Variants in TMEM132D observed in about 807,000 individuals in gnomAD.
The protein encoded by TMEM132D is transmembrane protein 132D.
A neutral mutation model predicts 62.3 loss-of-function variants in TMEM132D; 21 were observed. The ratio of observed to expected loss-of-function variants is 0.34; its 90% CI spans 0.24 to 0.49. The LOEUF is 0.49. Ranked by LOEUF, TMEM132D falls within the 20% of genes least tolerant of loss-of-function variation. The probability of loss-of-function intolerance (pLI) is 0.99; values close to 1 mark genes in which losing one functional copy is unlikely to be tolerated. For synonymous variants in TMEM132D, 621 were observed against 575.6 expected, an observed-to-expected ratio of 1.08 and a Z score of -1.13; for missense variants, 1,346 against 1,402.8, an observed-to-expected ratio of 0.96 and a Z score of 0.65.
chr12:129,093,027 A>G (rs780816621), intron 5 of TMEM132D, among the ~76,000 whole-genome samples: 2 of 152,236 alleles, frequency 1.3e-5, no homozygotes, highest in Non-Finnish European at 2.9e-5. Context: ...AGAGATAAGC[A>G]AGTTTTAAAT....
intron 4 of TMEM132D, among the ~76,000 whole-genome samples, chr12:129,321,707 C>A (rs879274111): frequency 6.6e-6 from 1 of 152,042 alleles, no homozygotes; most frequent in East Asian, 1.9e-4. Flanking sequence ...TACAGGCGCC[C>A]GCCACCACGC....
intron 5 of TMEM132D, among the ~76,000 whole-genome samples, chr12:129,183,002 C>G (rs1202144616): frequency 1.3e-5 from 2 of 152,180 alleles, no homozygotes; most frequent in Non-Finnish European, 2.9e-5. Context: ...CTCTCTCTCT[C>G]TCTTTGGGGC....
Position 129,477,883 on chromosome 12 carries a change from C to G in TMEM132D, c.1115+53176G>C, listed in dbSNP as rs559624089. On this transcript the variant is annotated intron_variant, in intron 3 of 8. Coordinates refer to ENST00000422113, the MANE Select transcript of TMEM132D (RefSeq NM_133448.3). ...ACATATACAGAGAGAGAGAGAGAGA[C>G]AGAGAGAGAGAGTCATGTGTTGTTT... is the stretch of plus-strand genomic sequence containing the variant. Among the ~76,000 whole-genome samples the G allele has an allele frequency of 1.5e-3, 222 of 150,810 alleles. 1 individual carries two copies. In the South Asian group the frequency reaches 0.016, roughly 11 times the overall value.
At chr12:129,545,878 C>CG (rs1446752326) in intron 2 of TMEM132D, among the ~76,000 whole-genome samples, 1 of 152,146 alleles carries the variant, frequency 6.6e-6, no homozygotes, top group Non-Finnish European at 1.5e-5. Context: ...AACCGTCTCT[C>CG]GGAGCTGTCT....
At chr12:129,737,977 T>C (rs1869481897) in intron 1 of TMEM132D, among the ~76,000 whole-genome samples, 1 of 152,220 alleles carries the variant, frequency 6.6e-6, no homozygotes, top group South Asian at 2.1e-4. Flanking sequence ...AAAAATCTGT[T>C]GCCATCTGAT....
chr12:129,075,917 TCCTCCCTC>T (rs377474059), intron 8 of TMEM132D, among the ~76,000 whole-genome samples: 191 of 152,096 alleles, frequency 1.3e-3, no homozygotes, highest in African/African-American at 3.4e-3. Flanking sequence ...ATCCATTGCT[TCCTCCCTC>T]CCTCCCTCCC....
At chr12:129,676,255 A>T (rs1246605020) in intron 2 of TMEM132D, among the ~76,000 whole-genome samples, 2 of 151,924 alleles carry the variant, frequency 1.3e-5, no homozygotes, top group Middle Eastern at 3.4e-3. Flanking sequence ...GTAGTACTTG[A>T]TATCTACCTG....
intron 3 of TMEM132D, among the ~76,000 whole-genome samples, chr12:129,405,602 G>A (rs1390813436): frequency 6.6e-6 from 1 of 152,118 alleles, no homozygotes; most frequent in Admixed American, 6.5e-5. Context: ...GGTGCTGTTG[G>A]GAGGAGATGA....
At chr12:129,687,265 C>T (rs188811099) in intron 2 of TMEM132D, among the ~76,000 whole-genome samples, 1 of 152,200 alleles carries the variant, frequency 6.6e-6, no homozygotes, top group East Asian at 1.9e-4. Context: ...AATGTGAGGT[C>T]GAATGTATGC....
intron 1 of TMEM132D, among the ~76,000 whole-genome samples, chr12:129,860,373 G>A (rs1261874381): frequency 6.6e-6 from 1 of 152,190 alleles, no homozygotes; most frequent in Non-Finnish European, 1.5e-5. Context: ...CAATTTAGAT[G>A]TTAACTTGGA....
chr12:129,188,969 T>C (rs756385547), intron 5 of TMEM132D, among the ~76,000 whole-genome samples: 7 of 152,144 alleles, frequency 4.6e-5, no homozygotes, highest in Non-Finnish European at 1.0e-4. Context: ...ACCACCCACT[T>C]TCCTGGAGGA....
intron 4 of TMEM132D, among the ~76,000 whole-genome samples, chr12:129,224,164 C>T (rs1430596311): frequency 6.6e-6 from 1 of 152,188 alleles, no homozygotes; most frequent in Non-Finnish European, 1.5e-5. Context: ...CATTATAATA[C>T]TTTGTGTCTC....
At chr12:129,246,030 A>G (rs1880095810) in intron 4 of TMEM132D, among the ~76,000 whole-genome samples, 1 of 152,066 alleles carries the variant, frequency 6.6e-6, no homozygotes, top group African/African-American at 2.4e-5. Context: ...GTGGTTTGTC[A>G]TGTTGGACCC....
chr12:129,381,289 T>A (rs1870943456), intron 3 of TMEM132D, among the ~76,000 whole-genome samples: 1 of 152,140 alleles, frequency 6.6e-6, no homozygotes, highest in Non-Finnish European at 1.5e-5. Context: ...GCTATACAAA[T>A]AAGCAGTGAT....
At chr12:129,450,276 G>T in intron 3 of TMEM132D, among the ~76,000 whole-genome samples, 1 of 152,132 alleles carries the variant, frequency 6.6e-6, no homozygotes, top group East Asian at 1.9e-4. Flanking sequence ...TGAAATCTTT[G>T]CTGTGCCTGT....
At chr12:129,335,076 A>G (rs1159433191) in intron 4 of TMEM132D, among the ~76,000 whole-genome samples, 4 of 151,354 alleles carry the variant, frequency 2.6e-5, no homozygotes, top group African/African-American at 9.7e-5. Flanking sequence ...TAATCATAAT[A>G]TAGATAACAC....
chr12:129,774,996 C>T (rs1403685557), intron 1 of TMEM132D, among the ~76,000 whole-genome samples: 1 of 139,914 alleles, frequency 7.1e-6, no homozygotes, highest in East Asian at 2.1e-4. Context: ...CCATGTCAGG[C>T]CTTCATAAAG....
intron 1 of TMEM132D, among the ~76,000 whole-genome samples, chr12:129,859,023 C>G (rs1456513185): frequency 7.1e-6 from 1 of 141,180 alleles, no homozygotes; most frequent in Non-Finnish European, 1.6e-5. Context: ...GCCCTAGTAA[C>G]GGAGTCCGGG....
chr12:129,691,619 C>T (rs1048561864), intron 2 of TMEM132D, among the ~76,000 whole-genome samples: 2 of 151,982 alleles, frequency 1.3e-5, no homozygotes, highest in Non-Finnish European at 2.9e-5. Context: ...TATTAAATTT[C>T]AAATGTTCTC....
Sources: gnomAD v4.1 joint callset for allele counts (sites outside exome capture counted in the v4.1 genomes callset) on GRCh38, gnomAD v4.1.1 for gene constraint, MANE v1.5 for transcripts, NCBI Gene and HGNC (gene_info 2026-07-23, HGNC 2026-07-21) for gene names.